The following RBBP8 variants were observed in gnomAD, a reference collection of about 807,000 sequenced individuals.
RBBP8 encodes RB binding protein 8, endonuclease.
In RBBP8, 88 loss-of-function variants were observed where a neutral mutation model predicts 108.3. The ratio of observed to expected loss-of-function variants is 0.81; its 90% CI spans 0.68 to 0.97. The LOEUF (loss-of-function observed/expected upper bound fraction) is 0.97. Among genes scored for constraint, RBBP8 ranks in the 50% least tolerant of loss-of-function variants. The pLI is 0.00. For missense variants in RBBP8, 1,023 were observed against 1,049.0 expected (o/e 0.98, Z 0.34); for synonymous variants, 332 against 348.2 (o/e 0.95, Z 0.52).
In RBBP8 at chr18:23,022,663, T is replaced by TAAAATAAAAAAAAAAAAATAA. The variant is rs1555650172; in HGVS notation, c.2596+401_2596+402insAAAAAAAAAATAAAAAATAAA. ...AAATAAAATACAATATAAAATAAAA[T>TAAAATAAAAAAAAAAAAATAA]AAAATAAATAACTGTATATGCCCAA... is the stretch of plus-strand genomic sequence containing the variant. On this transcript the variant is annotated intron_variant, in intron 18 of 18. Transcript: ENST00000327155. Among the ~76,000 whole-genome samples, 2 of 99,744 alleles carry TAAAATAAAAAAAAAAAAATAA rather than the reference T, an allele frequency of 2.0e-5. 1 individual carries two copies. The highest frequency in any genetic ancestry group is 4.8e-5 in the Non-Finnish European group (2 of 42,084). 65.4% of individuals were successfully genotyped at this position (99,744 alleles called of 152,430 possible). A position where few individuals can be genotyped will look rare whatever the true frequency, so the allele number is the denominator to read the frequency against.
At chr18:23,006,229 G>T in intron 15 of RBBP8, 134 bp from the exon 16 acceptor site, 1 of 727,664 alleles carries the variant, frequency 1.4e-6, no homozygotes. Context: ...AAATTTAAAT[G>T]AGTTGCTCAG....
chr18:23,013,569 C>T (rs1256011098), intron 16 of RBBP8, among the ~76,000 whole-genome samples: 1 of 152,158 alleles, frequency 6.6e-6, no homozygotes, highest in Non-Finnish European at 1.5e-5. Flanking sequence ...CTGCATGACT[C>T]CACTACTGAG....
At chr18:23,021,218 T>C (rs897463750) in intron 17 of RBBP8, among the ~76,000 whole-genome samples, 1 of 152,178 alleles carries the variant, frequency 6.6e-6, no homozygotes, top group African/African-American at 2.4e-5. Context: ...GAGACCAGCC[T>C]GGCCAACATA....
chr18:23,009,328 T>C (rs1598740056), intron 16 of RBBP8, among the ~76,000 whole-genome samples: 1 of 151,842 alleles, frequency 6.6e-6, no homozygotes, highest in African/African-American at 2.4e-5. Context: ...TTTTGTATGC[T>C]CTTTTGTCCT....
intron 6 of RBBP8, among the ~76,000 whole-genome samples, chr18:22,980,536 G>A (rs1199604380): frequency 6.6e-6 from 1 of 152,106 alleles, no homozygotes; most frequent in Admixed American, 6.5e-5. Flanking sequence ...AAGGAAGAGA[G>A]TGTGGCAGGA....
At chr18:23,017,826 A>G (rs2046287479) in intron 17 of RBBP8, among the ~76,000 whole-genome samples, 1 of 136,086 alleles carries the variant, frequency 7.3e-6, no homozygotes, top group Non-Finnish European at 1.5e-5. Context: ...GGCTCACTGC[A>G]ATCTCCACCT....
intron 1 of RBBP8, among the ~76,000 whole-genome samples, chr18:22,935,443 T>G (rs920411746): frequency 9.2e-5 from 14 of 152,116 alleles, no homozygotes; most frequent in African/African-American, 2.9e-4. Context: ...AATAATTTCC[T>G]AATATCTAAA....
intron 15 of RBBP8, among the ~76,000 whole-genome samples, chr18:23,004,056 C>CAAAAAAAAAA: frequency 1.4e-5 from 1 of 69,656 alleles, no homozygotes; most frequent in Non-Finnish European, 3.2e-5. Flanking sequence ...GACCCCGTCT[C>CAAAAAAAAAA]AAAAAAAAAA....
intron 16 of RBBP8, among the ~76,000 whole-genome samples, chr18:23,012,779 A>G (rs974076060): frequency 6.6e-6 from 1 of 152,228 alleles, no homozygotes; most frequent in Admixed American, 6.5e-5. Context: ...TTCAGTGCAG[A>G]TGAAACAGCC....
chr18:22,977,531 G>A (rs1914579652), intron 6 of RBBP8, among the ~76,000 whole-genome samples: 1 of 152,082 alleles, frequency 6.6e-6, no homozygotes, highest in African/African-American at 2.4e-5. Context: ...AAATAGATGT[G>A]ATGGGTCAGT....
At chr18:22,935,514 G>A (rs545789509) in intron 1 of RBBP8, among the ~76,000 whole-genome samples, 2 of 151,968 alleles carry the variant, frequency 1.3e-5, no homozygotes, top group African/African-American at 4.8e-5. Flanking sequence ...TTTTTGCAAA[G>A]CTTGATAGTT....
Position 23,026,296 on chromosome 18 carries a change from TAGTTAA to T in RBBP8, c.*61_*66del. ...CAGTTTTTTCCTTCTTAGTTATTTATAGTTAAAGTTGGTACTAAACATTGATTTTTT... is the reference window on the plus strand; with the variant it reads ...CAGTTTTTTCCTTCTTAGTTATTTATAGTTGGTACTAAACATTGATTTTTT... On this transcript the variant is annotated 3_prime_UTR_variant, in exon 19 of 19. Coordinates refer to ENST00000327155, the MANE Select transcript of RBBP8 (RefSeq NM_002894.3). The T allele has an allele frequency of 7.1e-7, 1 of 1,403,258 alleles. No homozygotes were observed. Among genetic ancestry groups the T allele is most frequent in the Non-Finnish European group, 1.0e-6 (1 of 994,694 alleles). The allele number at this position is 1,403,258 out of a possible 1,614,324, so 86.9% of individuals were successfully genotyped here. A position where few individuals can be genotyped will look rare whatever the true frequency, so the allele number is the denominator to read the frequency against.
chr18:23,025,020 G>A (rs1250501380), intron 18 of RBBP8, among the ~76,000 whole-genome samples: 1 of 152,158 alleles, frequency 6.6e-6, no homozygotes, highest in Admixed American at 6.5e-5. Context: ...GGCCAAGATG[G>A]GAGGATCCAT....
At chr18:22,926,571 G>T (rs889227850) in intron 3 of RBBP8, among the ~76,000 whole-genome samples, 1 of 152,076 alleles carries the variant, frequency 6.6e-6, no homozygotes, top group African/African-American at 2.4e-5. Flanking sequence ...TTCCTAAATC[G>T]GGCAAATTAT....
At chr18:22,967,804 G>A (rs918070137) in intron 4 of RBBP8, among the ~76,000 whole-genome samples, 4 of 150,346 alleles carry the variant, frequency 2.7e-5, no homozygotes, top group Non-Finnish European at 5.9e-5. Context: ...CCGCCACCAC[G>A]CACAGCTAAT....
chr18:22,967,365 CAAAAA>C (rs200892497), intron 4 of RBBP8, among the ~76,000 whole-genome samples: 1 of 108,258 alleles, frequency 9.2e-6, no homozygotes, highest in Non-Finnish European at 1.8e-5. Flanking sequence ...GACTCCGTCT[CAAAAA>C]AAAAAAAAAA....
At chr18:23,012,090 A>G (rs1012254867) in intron 16 of RBBP8, among the ~76,000 whole-genome samples, 1 of 150,492 alleles carries the variant, frequency 6.6e-6, no homozygotes, top group African/African-American at 2.4e-5. Context: ...TGTAGTTCCA[A>G]CTGTTATACT....
At chr18:22,958,556 T>TTTTG (rs1450822630) in intron 4 of RBBP8, among the ~76,000 whole-genome samples, 1 of 152,154 alleles carries the variant, frequency 6.6e-6, no homozygotes, top group African/African-American at 2.4e-5. Flanking sequence ...TTGTTGTAGG[T>TTTTG]TTTGTTTGTT....
intron 4 of RBBP8, among the ~76,000 whole-genome samples, chr18:22,953,690 T>A (rs1912234603): frequency 6.6e-6 from 1 of 152,122 alleles, no homozygotes; most frequent in Admixed American, 6.5e-5. Flanking sequence ...GATGAGTGCC[T>A]CATCTCCTTC....
Sources: allele counts gnomAD v4.1 joint callset (sites outside exome capture counted in the v4.1 genomes callset), GRCh38; gene constraint gnomAD v4.1.1; transcripts MANE v1.5; gene names NCBI Gene and HGNC (gene_info 2026-07-23, HGNC 2026-07-21).